B4GALNT2: variants seen among roughly 807,000 people sequenced by gnomAD.
B4GALNT2 encodes the protein N-acetylneuraminylgalactosylglucosyl-glucoside beta-1,4-N- acetylgalactosaminyltransferase 2.
B4GALNT2 carries 42 observed loss-of-function variants against 51.1 expected under a neutral mutation model. The ratio of observed to expected loss-of-function variants is 0.82; its 90% CI spans 0.64 to 1.06. The LOEUF is 1.06. B4GALNT2 is among the 50% of genes least tolerant of loss of function. The pLI is 0.00. For missense variants in B4GALNT2, 602 were observed against 633.6 expected (o/e 0.95, Z 0.54); for synonymous variants, 253 against 251.7 (o/e 1.01, Z -0.05).
Position 49,159,092 on chromosome 17 carries a change from G to C in B4GALNT2, c.554G>C (p.Ser185Thr). The change falls in exon 6 of 11, where the codon AGT (serine) becomes ACT (threonine). Residue 185 changes from serine (S) to threonine (T), a missense_variant. Coordinates refer to ENST00000393354, the MANE Select transcript of B4GALNT2 (RefSeq NM_001159387.2). ...TLNTLADVPD[S>T]VVQGRGQKQL... is the part of the protein sequence containing the mutation. ...AACACCCTTGCTGATGTCCCAGACA[G>C]TGTGGTGCAGGGCAGAGGCCAGAAG... The C allele has an allele frequency of 1.2e-6, 2 of 1,614,246 alleles. No individual in the cohort carries two copies. The highest frequency in any genetic ancestry group is 1.7e-6 in the Non-Finnish European group (2 of 1,180,038).
At chr17:49,132,004 C>T (rs148700215), upstream of B4GALNT2, among the ~76,000 whole-genome samples, 5 of 152,024 alleles carry the variant, frequency 3.3e-5, no homozygotes, top group South Asian at 2.1e-4. Context: ...TAGCCAGGTG[C>T]GGTCGTGGGT....
Position 49,168,878 on chromosome 17 carries a change from C to A in B4GALNT2, c.1293C>A (p.Arg431=), listed in dbSNP as rs756185658. 3 of 1,612,652 alleles carry A rather than the reference C, an allele frequency of 1.9e-6. No individual in the cohort carries two copies. The East Asian group carries it at 6.7e-5, about 36-fold the overall frequency. Residue 431 remains arginine, a synonymous_variant, in exon 10 of 11, where the codon CGC becomes CGA. Transcript: ENST00000393354. Reference sequence around the variant, plus strand: ...TCCAAAGAGTTGGCTTTGATCCCCGCCTGCAACGAGTGGCTCACTCAGGTG... The same window carrying A: ...TCCAAAGAGTTGGCTTTGATCCCCGACTGCAACGAGTGGCTCACTCAGGTG... ...ERLQRVGFDP[R]LQRVAHSEFF... is the part of the protein sequence containing the mutation.
rs2042954419 is a variant in B4GALNT2 at position 49,171,042 on chromosome 17, C to T, written c.*1314C>T. 1 of 162,308 alleles carries T rather than the reference C, an allele frequency of 6.2e-6. No homozygotes were observed. Among genetic ancestry groups the T allele is most frequent in the African/African-American group, 2.4e-5 (1 of 41,482 alleles). The allele number at this position is 162,308 out of a possible 1,614,324, so 10.1% of individuals were successfully genotyped here. A position where few individuals can be genotyped will look rare whatever the true frequency, so the allele number is the denominator to read the frequency against. ...GCCCTTATTCTGATAAACCCACAAC[C>T]TTCAGTTTGGGCATCATGGCCATCA... On this transcript the variant is annotated 3_prime_UTR_variant, in exon 11 of 11. Coordinates refer to ENST00000393354, the MANE Select transcript of B4GALNT2 (RefSeq NM_001159387.2).
chr17:49,164,115 T>C lies in B4GALNT2; in HGVS notation c.794T>C (p.Ile265Thr). 6.2e-7 allele frequency: 1 copy of C among 1,614,092 alleles called. No individual in the cohort carries two copies. Among genetic ancestry groups the C allele is most frequent in the Non-Finnish European group, 8.5e-7 (1 of 1,179,978 alleles). Residue 265 changes from isoleucine to threonine, a missense_variant, in exon 8 of 11, where the codon ATT (isoleucine) becomes ACT (threonine). By Grantham distance (89) the Ile-to-Thr change is moderately conservative. Transcript: ENST00000393354. ...PERKLRNLVT[I>T]ATKTFLRPHK... is the part of the protein sequence containing the mutation. ...AGGAAGCTCAGAAACCTGGTTACCA[T>C]TGCTACCAAGACTTTCCTCCGCCCC...
chr17:49,123,987 G>A, the B4GALNT2 span, among the ~76,000 whole-genome samples: 2 of 152,124 alleles, frequency 1.3e-5, no homozygotes, highest in Non-Finnish European at 2.9e-5. Context: ...TAACTATATT[G>A]CCACAACTTA....
chr17:49,129,299 GGTTTT>G (rs377036163), upstream of B4GALNT2, among the ~76,000 whole-genome samples: 54 of 152,282 alleles, frequency 3.5e-4, no homozygotes, highest in East Asian at 9.9e-3. Flanking sequence ...GAGACCTGAG[GGTTTT>G]GAGGGCTCAC....
upstream of B4GALNT2, among the ~76,000 whole-genome samples, chr17:49,131,725 G>C (rs1417022259): frequency 6.6e-6 from 1 of 152,042 alleles, no homozygotes; most frequent in Non-Finnish European, 1.5e-5. Flanking sequence ...TGCCCAGGCT[G>C]GTCTCAAACT....
chr17:49,155,297 CAAAAAAAAAA>C (rs34869721), intron 4 of B4GALNT2, among the ~76,000 whole-genome samples: 1 of 54,166 alleles, frequency 1.8e-5, no homozygotes, highest in Non-Finnish European at 3.3e-5. Flanking sequence ...GATTCAGTCT[CAAAAAAAAAA>C]AAAAAAAAAA....
In B4GALNT2 at chr17:49,134,811, G is replaced by T. The variant is rs555259189; in HGVS notation, c.14+2005G>T. ...TCATCATGTTGGCCAAGCTAGTCCC[G>T]AACTCCTGACCTCAAATGATCCACC... On this transcript the variant is annotated intron_variant, in intron 1 of 10. Coordinates refer to ENST00000393354, the MANE Select transcript of B4GALNT2 (RefSeq NM_001159387.2). 3.3e-5 allele frequency among the ~76,000 whole-genome samples: 5 copies of T among 152,060 alleles called. No individual in the cohort carries two copies. In the South Asian group the frequency reaches 1.0e-3, roughly 32 times the overall value.
At chr17:49,132,689 C>G (rs865788264), upstream of B4GALNT2, 12 of 1,333,558 alleles carry the variant, frequency 9.0e-6, no homozygotes, top group African/African-American at 1.9e-4. Flanking sequence ...TGCACCTGCC[C>G]TACTCGCCGA....
At chr17:49,161,769 A>G (rs562911909) in intron 7 of B4GALNT2, among the ~76,000 whole-genome samples, 2 of 151,502 alleles carry the variant, frequency 1.3e-5, no homozygotes, top group African/African-American at 4.8e-5. Flanking sequence ...AGGCAGGAGT[A>G]TCATTTGAAC....
Position 49,171,414 on chromosome 17 carries a change from A to G in B4GALNT2, c.*1686A>G, listed in dbSNP as rs972630657. Reference sequence around the variant, plus strand: ...GGTCAAGTGTGCCTGGGATGCTTTAAATATTTGTTCTTTTAATTTTGCAAT... The same window carrying G: ...GGTCAAGTGTGCCTGGGATGCTTTAGATATTTGTTCTTTTAATTTTGCAAT... On this transcript the variant is annotated 3_prime_UTR_variant, in exon 11 of 11. Transcript: ENST00000393354. 1 of 429,278 alleles carries G rather than the reference A, an allele frequency of 2.3e-6. No individual in the cohort carries two copies. The highest frequency in any genetic ancestry group is 2.1e-5 in the African/African-American group (1 of 48,126). The allele number at this position is 429,278 out of a possible 1,614,324, so 26.6% of individuals were successfully genotyped here.
At chr17:49,137,794 G>A (rs2042603960) in intron 1 of B4GALNT2, among the ~76,000 whole-genome samples, 2 of 152,148 alleles carry the variant, frequency 1.3e-5, no homozygotes. Flanking sequence ...TCGATGAAAT[G>A]TAATGTCTGG....
chr17:49,161,749 G>T (rs1193318218), intron 7 of B4GALNT2, among the ~76,000 whole-genome samples: 1 of 150,896 alleles, frequency 6.6e-6, no homozygotes, highest in East Asian at 2.0e-4. Flanking sequence ...CCCAGCTACT[G>T]GGGAGGCTGA....
upstream of B4GALNT2, among the ~76,000 whole-genome samples, chr17:49,130,054 G>A (rs779124685): frequency 3.9e-5 from 6 of 152,178 alleles, no homozygotes; most frequent in Non-Finnish European, 4.4e-5. Context: ...TGATCAAGCT[G>A]AAAAAGAGTA....
At position 49,172,062 on chromosome 17, in the gene B4GALNT2, C is replaced by G; in HGVS notation, c.*2334C>G. 1 of 275,816 alleles carries G rather than the reference C, an allele frequency of 3.6e-6. No homozygotes were observed. The highest frequency in any genetic ancestry group is 6.7e-6 in the Non-Finnish European group (1 of 148,600). The allele number at this position is 275,816 out of a possible 1,614,324, so 17.1% of individuals were successfully genotyped here. On this transcript the variant is annotated 3_prime_UTR_variant, in exon 11 of 11. Transcript: ENST00000393354. The stretch of plus-strand genomic sequence containing the variant: ...ATACTCATGGCAATGGTGATCACCA[C>G]TATCATATCTATCATTAAATTACTC...
At position 49,152,894 on chromosome 17, in the gene B4GALNT2, G is replaced by A. The variant is rs895786543; in HGVS notation, c.448G>A (p.Val150Ile). ...HGVEVMPLHT[V>I]PIPGLQFEGP... ...AGTGGAGGTGATGCCCCTGCACACG[G>A]TTCCCATCCCAGGTAAGTACATCCA... Residue 150 changes from valine to isoleucine, a missense_variant, in exon 4 of 11, where the codon GTT becomes ATT. Coordinates refer to ENST00000393354, the MANE Select transcript of B4GALNT2 (RefSeq NM_001159387.2). 1.2e-6 allele frequency: 2 copies of A among 1,609,636 alleles called. No homozygotes were observed. The highest frequency in any genetic ancestry group is 3.4e-5 in the Admixed American group (2 of 59,668).
chr17:49,141,050 A>G (rs1215733172), intron 1 of B4GALNT2, among the ~76,000 whole-genome samples, 197 bp from the exon 2 acceptor site: 1 of 148,044 alleles, frequency 6.8e-6, no homozygotes, highest in Non-Finnish European at 1.5e-5. Context: ...TTTTTTTGCC[A>G]TCCTTTTATT....
intron 3 of B4GALNT2, among the ~76,000 whole-genome samples, chr17:49,148,161 G>A (rs1349255561): frequency 3.3e-5 from 5 of 151,854 alleles, no homozygotes; most frequent in Admixed American, 1.3e-4. Flanking sequence ...TTAGTCGAGC[G>A]TGATGGTGGG....
Sources: gnomAD v4.1 joint callset for allele counts (sites outside exome capture counted in the v4.1 genomes callset) on GRCh38, gnomAD v4.1.1 for gene constraint, MANE v1.5 for transcripts, NCBI Gene and HGNC (gene_info 2026-07-23, HGNC 2026-07-21) for gene names.